The following AKT3 variants were observed in gnomAD, a reference collection of about 807,000 sequenced individuals.
AKT3 encodes the protein RAC-gamma serine/threonine-protein kinase.
A neutral mutation model predicts 65.3 loss-of-function variants in AKT3; 15 were observed. The ratio of observed to expected loss-of-function variants is 0.23; its 90% CI spans 0.15 to 0.35. The LOEUF (loss-of-function observed/expected upper bound fraction) is 0.35. Ranked by LOEUF, AKT3 falls within the 10% of genes least tolerant of loss-of-function variation. The pLI, the probability that AKT3 is intolerant of heterozygous loss-of-function variation, is 1.00. For synonymous variants in AKT3, 206 were observed against 183.8 expected (o/e 1.12, Z -0.98); for missense variants, 243 against 576.5 (o/e 0.42, Z 5.92).
intron 13 of AKT3, among the ~76,000 whole-genome samples, chr1:243,494,654 C>G (rs953513267): frequency 6.6e-6 from 1 of 152,192 alleles, no homozygotes; most frequent in Non-Finnish European, 1.5e-5. Flanking sequence ...TCACTTTGTC[C>G]AAGAGTGAGT....
chr1:243,535,268 A>G (rs1671844885), intron 12 of AKT3, among the ~76,000 whole-genome samples: 1 of 122,964 alleles, frequency 8.1e-6, no homozygotes, highest in Non-Finnish European at 1.6e-5. Flanking sequence ...TTTTGGTTAC[A>G]TGGATGAATT....
At chr1:243,525,768 T>A (rs867269147) in intron 12 of AKT3, among the ~76,000 whole-genome samples, 58 of 4,136 alleles carry the variant, frequency 0.014, no homozygotes, top group African/African-American at 0.042. Context: ...CTTCCAAAAG[T>A]AAGAAAGAAA....
chr1:243,590,327 G>A (rs573443583), intron 8 of AKT3, among the ~76,000 whole-genome samples: 3 of 151,960 alleles, frequency 2.0e-5, no homozygotes, highest in South Asian at 2.1e-4. Context: ...ATACATACAC[G>A]TATCAAATCA....
chr1:243,617,181 A>C (rs926694524), intron 6 of AKT3, among the ~76,000 whole-genome samples: 17 of 136,734 alleles, frequency 1.2e-4, no homozygotes, highest in African/African-American at 4.8e-4. Flanking sequence ...ACACATATGC[A>C]ACAAGTATCT....
chr1:243,596,217 G>T (rs1329073247), intron 8 of AKT3, among the ~76,000 whole-genome samples: 1 of 152,092 alleles, frequency 6.6e-6, no homozygotes, highest in Non-Finnish European at 1.5e-5. Flanking sequence ...CACAAAAAAA[G>T]TGAAAACCAT....
intron 2 of AKT3, among the ~76,000 whole-genome samples, chr1:243,790,475 C>T (rs1691551588): frequency 6.6e-6 from 1 of 152,166 alleles, no homozygotes; most frequent in Non-Finnish European, 1.5e-5. Context: ...GGGCCTGCCT[C>T]TGGATTAGGC....
intron 5 of AKT3, among the ~76,000 whole-genome samples, chr1:243,640,993 C>A (rs1404946275): frequency 6.6e-6 from 1 of 151,988 alleles, no homozygotes; most frequent in African/African-American, 2.4e-5. Context: ...CACCCTTAAG[C>A]CGGGTGGGCA....
intron 2 of AKT3, among the ~76,000 whole-genome samples, chr1:243,797,884 T>A (rs1692120713): frequency 6.7e-6 from 1 of 148,498 alleles, no homozygotes; most frequent in Non-Finnish European, 1.5e-5. Flanking sequence ...AAAAACAGTT[T>A]TTCTTTTTTT....
intron 8 of AKT3, among the ~76,000 whole-genome samples, chr1:243,591,251 A>C (rs1040742465): frequency 7.2e-5 from 11 of 152,238 alleles, no homozygotes; most frequent in Non-Finnish European, 1.6e-4. Context: ...AGAAAGGCAA[A>C]AATATTTCAT....
chr1:243,520,228 ATTTGGAC>A (rs1670635155), intron 12 of AKT3, among the ~76,000 whole-genome samples: 1 of 152,214 alleles, frequency 6.6e-6, no homozygotes, highest in African/African-American at 2.4e-5. Flanking sequence ...AGAAGAGGAA[ATTTGGAC>A]ACCCAAGTAG....
chr1:243,648,832 G>T (rs1020346244), intron 4 of AKT3, among the ~76,000 whole-genome samples: 2 of 151,616 alleles, frequency 1.3e-5, no homozygotes, highest in African/African-American at 4.8e-5. Context: ...ACCCCAAAAC[G>T]TTTTTCAATT....
Position 243,613,785 on chromosome 1 carries a change from CTTATAA to C in AKT3, c.628-52_628-47del, listed in dbSNP as rs200466940. The stretch of plus-strand genomic sequence containing the variant: ...AAATGTTACATTATAATCCTGTATT[CTTATAA>C]TTATAATAGTACTAAAAATAGAACA... On this transcript the variant is annotated intron_variant, in intron 7 of 13. Transcript: ENST00000673466. 1,353 of 1,237,798 alleles carry C rather than the reference CTTATAA, an allele frequency of 1.1e-3. 12 individuals carry two copies. In the African/African-American group the frequency reaches 0.018, roughly 16 times the overall value. The allele number at this position is 1,237,798 out of a possible 1,614,324, so 76.7% of individuals were successfully genotyped here.
chr1:243,740,041 T>A (rs779613068), intron 2 of AKT3, among the ~76,000 whole-genome samples: 6 of 152,236 alleles, frequency 3.9e-5, no homozygotes, highest in Non-Finnish European at 8.8e-5. Flanking sequence ...AGAGTAATCT[T>A]AGCTGCCCAA....
intron 8 of AKT3, among the ~76,000 whole-genome samples, chr1:243,589,902 A>C (rs534179023): frequency 6.6e-6 from 1 of 152,228 alleles, no homozygotes. Flanking sequence ...ATACAATGGA[A>C]TATTATTCAG....
rs573753400 is a variant in AKT3, at chr1:243,748,075, C to T, written c.47-52359G>A. Among the ~76,000 whole-genome samples the T allele has an allele frequency of 5.5e-4, 84 of 152,200 alleles. No individual in the cohort carries two copies. The Middle Eastern group carries it at 0.01, about 18-fold the overall frequency. ...AATGAAGAAAAAATTAAAAGATACA[C>T]AAACATAAATATATCTTTTAAAACA... On this transcript the variant is annotated intron_variant, in intron 2 of 13. Transcript: ENST00000673466.
At position 243,842,918 on chromosome 1, in the gene AKT3, T is replaced by A. The variant is rs186724874; in HGVS notation, c.46+207A>T. On this transcript the variant is annotated intron_variant, in intron 2 of 13. Transcript: ENST00000673466. Reference sequence around the variant, plus strand: ...ACCAGAAAGTCAAACCTAACTTAACTAGATTATAAATGCTCAAAATCAAGA... The same window carrying A: ...ACCAGAAAGTCAAACCTAACTTAACAAGATTATAAATGCTCAAAATCAAGA... Among the ~76,000 whole-genome samples the A allele has an allele frequency of 1.1e-4, 16 of 152,276 alleles. No individual in the cohort carries two copies. The East Asian group carries it at 3.1e-3, about 29-fold the overall frequency.
chr1:243,820,031 G>C (rs977714836), intron 2 of AKT3, among the ~76,000 whole-genome samples: 8 of 152,186 alleles, frequency 5.3e-5, no homozygotes, highest in African/African-American at 1.9e-4. Context: ...CAATTCTCCT[G>C]CCTCAGCCTC....
intron 2 of AKT3, among the ~76,000 whole-genome samples, chr1:243,705,578 G>C (rs1057178028): frequency 6.6e-6 from 1 of 152,120 alleles, no homozygotes; most frequent in Non-Finnish European, 1.5e-5. Flanking sequence ...TAGAGTTACA[G>C]TACCCAGTTT....
intron 2 of AKT3, among the ~76,000 whole-genome samples, chr1:243,720,417 CAA>C (rs990619941): frequency 7.7e-5 from 9 of 116,406 alleles, no homozygotes; most frequent in African/African-American, 2.5e-4. Context: ...TTGATGAGAC[CAA>C]AAGACATAGT....
Sources: allele counts gnomAD v4.1 joint callset (sites outside exome capture counted in the v4.1 genomes callset), GRCh38; gene constraint gnomAD v4.1.1; transcripts MANE v1.5; gene names NCBI Gene and HGNC (gene_info 2026-07-23, HGNC 2026-07-21).